EML1: variants seen among roughly 807,000 people sequenced by gnomAD.
EML1 encodes EMAP like 1, also known as echinoderm microtubule-associated protein-like 1.
Under a neutral mutation model 110.4 loss-of-function variants are expected in EML1, and 27 were observed. The ratio of observed to expected loss-of-function variants is 0.24; its 90% CI spans 0.18 to 0.34. EML1 has a LOEUF of 0.34. EML1 is among the 10% of genes least tolerant of loss of function. The probability of loss-of-function intolerance (pLI) is 1.00; values close to 1 mark genes in which losing one functional copy is unlikely to be tolerated. For synonymous variants in EML1, 344 were observed against 385.8 expected, an observed-to-expected ratio of 0.89 and a Z score of 1.27; for missense variants, 741 against 1,030.9, an observed-to-expected ratio of 0.72 and a Z score of 3.85.
At position 99,909,203 on chromosome 14, in the gene EML1, T is replaced by C. The variant is rs533231627; in HGVS notation, c.1105-142T>C. On this transcript the variant is annotated intron_variant, in intron 10 of 21. Coordinates refer to ENST00000262233, the MANE Select transcript of EML1 (RefSeq NM_004434.3). ...CATATGCTTGATGTTTTTAGCAAGA[T>C]GGATTCAATGGGGGAAATAATAGGC... 6 of 1,281,314 alleles carry C rather than the reference T, an allele frequency of 4.7e-6. No homozygotes were observed. The South Asian group carries it at 4.8e-5, about 10-fold the overall frequency. The allele number at this position is 1,281,314 out of a possible 1,614,324, so 79.4% of individuals were successfully genotyped here. A position where few individuals can be genotyped will look rare whatever the true frequency, so the allele number is the denominator to read the frequency against.
chr14:99,793,923 G>A (rs980212045), intron 1 of EML1, among the ~76,000 whole-genome samples: 3 of 152,006 alleles, frequency 2.0e-5, no homozygotes, highest in Admixed American at 6.5e-5. Flanking sequence ...ACCCACATCT[G>A]TTTGGAAATG....
chr14:99,794,830 A>G (rs926600419), intron 1 of EML1, among the ~76,000 whole-genome samples: 7 of 152,168 alleles, frequency 4.6e-5, no homozygotes, highest in African/African-American at 1.7e-4. Flanking sequence ...GGGCAGGTAG[A>G]ATGTATTTGG....
chr14:99,747,590 A>G (rs968087190), intron 1 of EML1, among the ~76,000 whole-genome samples: 1 of 152,158 alleles, frequency 6.6e-6, no homozygotes, highest in Admixed American at 6.5e-5. Context: ...TTCTGTGTCT[A>G]TTCATGTCTC....
At chr14:99,893,835 T>C (rs533651028) in intron 5 of EML1, among the ~76,000 whole-genome samples, 6 of 152,228 alleles carry the variant, frequency 3.9e-5, no homozygotes, top group Non-Finnish European at 8.8e-5. Flanking sequence ...CAAGACATTT[T>C]CTTTGCCCTT....
At chr14:99,750,724 T>C (rs1219361896) in intron 1 of EML1, among the ~76,000 whole-genome samples, 1 of 151,916 alleles carries the variant, frequency 6.6e-6, no homozygotes, top group Non-Finnish European at 1.5e-5. Flanking sequence ...GAGAAAGCTG[T>C]GAAGGAGGGA....
chr14:99,745,501 GAT>G (rs2057098269), intron 1 of EML1, among the ~76,000 whole-genome samples: 1 of 152,238 alleles, frequency 6.6e-6, no homozygotes, highest in South Asian at 2.1e-4. Context: ...CTTTGTATGA[GAT>G]AAGATCTGGT....
rs117422126 is a variant in EML1 at position 99,744,141 on chromosome 14, T to C, written c.28+6281T>C. On this transcript the variant is annotated intron_variant, in intron 1 of 10. Transcript: ENST00000554479. ...CCTCTTTGGTTATTTTGTTTCTTAC[T>C]CTTTTTTTACATAAGTCAGAATGGG... is the stretch of plus-strand genomic sequence containing the variant. Among the ~76,000 whole-genome samples, 849 of 152,326 alleles carry C rather than the reference T, an allele frequency of 5.6e-3. 16 individuals carry two copies. Among genetic ancestry groups the C allele is most frequent in the Admixed American group, 0.035 (532 of 15,308 alleles).
At chr14:99,797,256 A>G (rs1566869143) in intron 1 of EML1, among the ~76,000 whole-genome samples, 1 of 152,216 alleles carries the variant, frequency 6.6e-6, no homozygotes, top group Non-Finnish European at 1.5e-5. Context: ...AGGTTCATCC[A>G]TGTTGTAGCC....
intron 1 of EML1, among the ~76,000 whole-genome samples, chr14:99,754,460 A>G (rs2057221463): frequency 6.6e-6 from 1 of 152,200 alleles, no homozygotes; most frequent in Non-Finnish European, 1.5e-5. Context: ...CGTGACTCCC[A>G]GACCAGCCTG....
intron 17 of EML1, among the ~76,000 whole-genome samples, chr14:99,926,157 G>C (rs1035010459): frequency 6.6e-6 from 1 of 152,194 alleles, no homozygotes; most frequent in African/African-American, 2.4e-5. Context: ...AATTTACAGA[G>C]TCTGGAAATG....
intron 2 of EML1, among the ~76,000 whole-genome samples, chr14:99,857,370 G>A (rs2058921415): frequency 6.6e-6 from 1 of 152,112 alleles, no homozygotes; most frequent in African/African-American, 2.4e-5. Context: ...TTAATAGCAA[G>A]TCAGCATTCA....
At chr14:99,770,373 T>TTATTTCTATCTA (rs1555388110), upstream of EML1, among the ~76,000 whole-genome samples, 1 of 82,380 alleles carries the variant, frequency 1.2e-5, no homozygotes, top group African/African-American at 5.8e-5. Flanking sequence ...TTTAAAAAAT[T>TTATTTCTATCTA]TCTTTCTATC....
rs377079198 is a variant in EML1 at position 99,897,340 on chromosome 14, A to T, written c.827+46A>T. 109 of 1,541,612 alleles carry T rather than the reference A, an allele frequency of 7.1e-5. No homozygotes were observed. In the African/African-American group the frequency reaches 1.2e-3, roughly 17 times the overall value. On this transcript the variant is annotated intron_variant, in intron 7 of 21. Coordinates refer to ENST00000262233, the MANE Select transcript of EML1 (RefSeq NM_004434.3). ...TTCCTGCGACTCAGAAGGCGAAGGT[A>T]GGAGGATCGCTTGAGGCCAGGAGTT...
At chr14:99,817,655 T>C (rs1278182806) in intron 1 of EML1, among the ~76,000 whole-genome samples, 1 of 152,184 alleles carries the variant, frequency 6.6e-6, no homozygotes, top group Non-Finnish European at 1.5e-5. Flanking sequence ...GAACTGCTGC[T>C]GTTGAGTATT....
intron 9 of EML1, among the ~76,000 whole-genome samples, chr14:99,904,438 T>G (rs2059811065): frequency 6.6e-6 from 1 of 152,248 alleles, no homozygotes; most frequent in Non-Finnish European, 1.5e-5. Flanking sequence ...TTCACTTTCT[T>G]TATACACCTT....
chr14:99,887,281 T>G (rs1178055237), intron 4 of EML1, among the ~76,000 whole-genome samples: 1 of 152,232 alleles, frequency 6.6e-6, no homozygotes, highest in Non-Finnish European at 1.5e-5. Flanking sequence ...AATCTCCTTC[T>G]TATAAGCAAT....
At chr14:99,912,571 C>T (rs1277484128) in intron 13 of EML1, among the ~76,000 whole-genome samples, 1 of 152,200 alleles carries the variant, frequency 6.6e-6, no homozygotes, top group East Asian at 1.9e-4. Context: ...CAGAGAGCAA[C>T]ATGGCACCAC....
chr14:99,832,327 A>G (rs553800917), intron 1 of EML1, among the ~76,000 whole-genome samples: 1 of 152,188 alleles, frequency 6.6e-6, no homozygotes, highest in Non-Finnish European at 1.5e-5. Flanking sequence ...GGCTATTACA[A>G]ATAAAGCTGC....
intron 3 of EML1, among the ~76,000 whole-genome samples, chr14:99,876,430 C>A (rs572375162): frequency 6.6e-6 from 1 of 152,300 alleles, no homozygotes; most frequent in South Asian, 2.1e-4. Flanking sequence ...AGCACCAGCA[C>A]ATTTACCTAA....
Sources: allele counts gnomAD v4.1 joint callset (sites outside exome capture counted in the v4.1 genomes callset), GRCh38; gene constraint gnomAD v4.1.1; transcripts MANE v1.5; gene names NCBI Gene and HGNC (gene_info 2026-07-23, HGNC 2026-07-21).